RASA2: variants seen among roughly 807,000 people sequenced by gnomAD.
RASA2 encodes ras GTPase-activating protein 2.
A neutral mutation model predicts 118.2 loss-of-function variants in RASA2; 155 were observed. The ratio of observed to expected loss-of-function variants is 1.31; its 90% confidence interval spans 1.15 to 1.50. The LOEUF (loss-of-function observed/expected upper bound fraction) is 1.50, where lower values mean the gene tolerates loss of function less well. RASA2 is among the 40% of genes most tolerant of loss of function. The pLI is 0.00. For synonymous variants in RASA2, 353 were observed against 349.1 expected (o/e 1.01, Z -0.12); for missense variants, 1,016 against 1,009.6 (o/e 1.01, Z -0.09).
chr3:141,560,094 C>A, intron 9 of RASA2, 99 bp downstream of exon 9: 1 of 916,006 alleles, frequency 1.1e-6, no homozygotes, highest in Non-Finnish European at 1.6e-6. Context: ...TTTAAATTTG[C>A]CATGTAATAA....
intron 14 of RASA2, among the ~76,000 whole-genome samples, chr3:141,576,158 A>G (rs2151133800): frequency 6.6e-6 from 1 of 152,330 alleles, no homozygotes; most frequent in South Asian, 2.1e-4. Flanking sequence ...TGGTTATCAT[A>G]TCCTCAGTAG....
chr3:141,559,799 G>A, intron 8 of RASA2, 95 bp from the exon 9 acceptor site: 1 of 971,830 alleles, frequency 1.0e-6, no homozygotes, highest in East Asian at 2.6e-5. Flanking sequence ...TAAAATTAAT[G>A]CTGTAATACA....
At chr3:141,549,348 A>T (rs1170210557) in intron 5 of RASA2, among the ~76,000 whole-genome samples, 3 of 152,122 alleles carry the variant, frequency 2.0e-5, no homozygotes. Context: ...CTGTCCTAAA[A>T]GGCATGCCTC....
chr3:141,509,381 T>G (rs925810823), intron 1 of RASA2, among the ~76,000 whole-genome samples: 1 of 152,210 alleles, frequency 6.6e-6, no homozygotes, highest in Non-Finnish European at 1.5e-5. Context: ...GAGAGGGAAG[T>G]AGAATATGTG....
At position 141,516,557 on chromosome 3, in the gene RASA2, A is replaced by G. The variant is rs1399731780; in HGVS notation, c.355+126A>G. ...CATCTCTGATCTTTTTCTGTAGACT[A>G]CATGTTCATTTGTGAAATTTCATTT... On this transcript the variant is annotated intron_variant, in intron 3 of 23. Coordinates refer to ENST00000286364, the MANE Select transcript of RASA2 (RefSeq NM_006506.5). 1.5e-5 allele frequency: 11 copies of G among 737,646 alleles called. No individual in the cohort carries two copies. In the South Asian group the frequency reaches 4.8e-4, roughly 32 times the overall value. The allele number at this position is 737,646 out of a possible 1,614,324, so 45.7% of individuals were successfully genotyped here. A position where few individuals can be genotyped will look rare whatever the true frequency, so the allele number is the denominator to read the frequency against.
intron 19 of RASA2, among the ~76,000 whole-genome samples, chr3:141,589,972 A>C (rs73871838): frequency 0.015 from 2,326 of 152,324 alleles, 61 homozygotes; most frequent in African/African-American, 0.052. Context: ...TTAAGCATTA[A>C]GAAGTTTAAA....
At chr3:141,540,366 T>TTTGATCTCTGG (rs1426094312) in intron 4 of RASA2, among the ~76,000 whole-genome samples, 167 bp from the exon 5 acceptor site, 2 of 152,216 alleles carry the variant, frequency 1.3e-5, no homozygotes, top group African/African-American at 2.4e-5. Context: ...CTTTCAGAAC[T>TTTGATCTCTGG]TTGATCTCTG....
rs1029156309 is a variant in RASA2, at chr3:141,613,275, T to C, written c.*962T>C. 4 of 152,218 alleles carry C rather than the reference T, an allele frequency of 2.6e-5. No homozygotes were observed. The highest frequency in any genetic ancestry group is 9.6e-5 in the African/African-American group (4 of 41,458). The allele number at this position is 152,218 out of a possible 1,614,324, so 9.4% of individuals were successfully genotyped here. On this transcript the variant is annotated 3_prime_UTR_variant, in exon 24 of 24. Coordinates refer to ENST00000286364, the MANE Select transcript of RASA2 (RefSeq NM_006506.5). ...ATCTGGACTGCTCCAGATTTGACTT[T>C]AGATACTCCATGGTATCTAGTCTTT...
intron 15 of RASA2, among the ~76,000 whole-genome samples, chr3:141,579,024 TA>T (rs2083057810): frequency 2.0e-5 from 3 of 152,230 alleles, no homozygotes; most frequent in Non-Finnish European, 4.4e-5. Context: ...AAGTATATTA[TA>T]AGGATCATAT....
chr3:141,599,516 T>TTTGCCAAAAG (rs1276945787), intron 19 of RASA2, among the ~76,000 whole-genome samples: 2 of 152,230 alleles, frequency 1.3e-5, no homozygotes, highest in African/African-American at 4.8e-5. Flanking sequence ...TGCACTTTAA[T>TTTGCCAAAAG]TTGCCAAAAG....
At position 141,607,678 on chromosome 3, in the gene RASA2, G is replaced by C; in HGVS notation, c.1934G>C (p.Gly645Ala). 1.3e-6 allele frequency: 2 copies of C among 1,565,044 alleles called. No individual in the cohort carries two copies. Among genetic ancestry groups the C allele is most frequent in the Non-Finnish European group, 1.7e-6 (2 of 1,161,674 alleles). Residue 645 changes from glycine (G) to alanine (A), a missense_variant and splice_region_variant, in exon 20 of 24, where the codon GGC becomes GCC. Physicochemically the swap from Gly to Ala is moderately conservative, Grantham distance 60 (BLOSUM62 0). Transcript: ENST00000286364. ...SRELTYHKQPGKDAIYTIPVK... is the reference protein window; with the variant it reads ...SRELTYHKQPAKDAIYTIPVK... ...TTGTTTTACTTTTTTTATTATTTAG[G>C]CAAAGATGCAATCTACACAATCCCA... is the stretch of plus-strand genomic sequence containing the variant.
intron 4 of RASA2, among the ~76,000 whole-genome samples, chr3:141,536,896 C>T (rs1034976481): frequency 4.0e-5 from 6 of 151,528 alleles, no homozygotes; most frequent in South Asian, 2.1e-4. Context: ...TACAGGCATG[C>T]GCTGCCACAC....
chr3:141,597,696 AAAAT>A (rs1217249791), intron 19 of RASA2, among the ~76,000 whole-genome samples: 2 of 152,220 alleles, frequency 1.3e-5, no homozygotes, highest in Non-Finnish European at 2.9e-5. Flanking sequence ...AGAAAATGAG[AAAAT>A]AAACCTAAAG....
chr3:141,580,489 T>A, intron 16 of RASA2, 38 bp downstream of exon 16: 1 of 1,477,358 alleles, frequency 6.8e-7, no homozygotes, highest in Non-Finnish European at 9.4e-7. Flanking sequence ...TTTACACTTC[T>A]AAATGTTGTT....
chr3:141,535,977 A>G (rs531804406), intron 4 of RASA2, among the ~76,000 whole-genome samples: 1 of 152,364 alleles, frequency 6.6e-6, no homozygotes, highest in South Asian at 2.1e-4. Context: ...AGTATCTTCT[A>G]TATGGTACCA....
chr3:141,518,155 A>G (rs191289486), intron 3 of RASA2, among the ~76,000 whole-genome samples: 15 of 151,184 alleles, frequency 9.9e-5, no homozygotes, highest in Admixed American at 3.9e-4. Flanking sequence ...TTCCTTTTTT[A>G]TTTGAAATAT....
chr3:141,552,360 C>T, intron 5 of RASA2, among the ~76,000 whole-genome samples: 1 of 152,134 alleles, frequency 6.6e-6, no homozygotes, highest in East Asian at 1.9e-4. Flanking sequence ...CACTGGACTT[C>T]AGTAACAAAA....
intron 3 of RASA2, among the ~76,000 whole-genome samples, chr3:141,518,113 T>C (rs1276624772): frequency 6.6e-6 from 1 of 152,206 alleles, no homozygotes; most frequent in African/African-American, 2.4e-5. Flanking sequence ...ATTTATTCTC[T>C]TTCTTTTTAG....
At chr3:141,510,395 T>G (rs917711561) in intron 1 of RASA2, among the ~76,000 whole-genome samples, 1 of 151,926 alleles carries the variant, frequency 6.6e-6, no homozygotes, top group African/African-American at 2.4e-5. Context: ...CTAGACTTTT[T>G]AGGTTATTTA....
Sources: gnomAD v4.1 joint callset for allele counts (sites outside exome capture counted in the v4.1 genomes callset) on GRCh38, gnomAD v4.1.1 for gene constraint, MANE v1.5 for transcripts, NCBI Gene and HGNC (gene_info 2026-07-23, HGNC 2026-07-21) for gene names.